PTTG1IP: variants seen among roughly 807,000 people sequenced by gnomAD.
PTTG1IP encodes the protein pituitary tumor-transforming gene 1 protein-interacting protein.
A neutral mutation model predicts 24.4 loss-of-function variants in PTTG1IP; 16 were observed. The observed-to-expected ratio is 0.66, with a 90% CI of 0.44 to 1.00. The LOEUF is 1.00. Ranked by LOEUF, PTTG1IP falls within the 50% of genes least tolerant of loss-of-function variation. PTTG1IP has a pLI of 0.00. For missense variants in PTTG1IP, 241 were observed against 245.8 expected (o/e 0.98, Z 0.13); for synonymous variants, 89 against 96.8 (o/e 0.92, Z 0.47).
intron 1 of PTTG1IP, among the ~76,000 whole-genome samples, chr21:44,872,594 G>C (rs2083596596): frequency 6.6e-6 from 1 of 152,228 alleles, no homozygotes; most frequent in African/African-American, 2.4e-5. Context: ...CTCCAGCTTA[G>C]AACCTGCTGG....
chr21:44,861,795 T>G (rs2083494361), intron 2 of PTTG1IP: 1 of 717,408 alleles, frequency 1.4e-6, no homozygotes, highest in South Asian at 1.5e-5. Flanking sequence ...CTTCACTGGC[T>G]GAAGTCTCCC....
rs1249743336 is a variant in PTTG1IP at position 44,851,073 on chromosome 21, G to A, written c.*508C>T. 5.7e-5 allele frequency: 19 copies of A among 334,886 alleles called. No homozygotes were observed. Among genetic ancestry groups the A allele is most frequent in the South Asian group, 2.6e-4 (4 of 15,578 alleles). The allele number at this position is 334,886 out of a possible 1,614,324, so 20.7% of individuals were successfully genotyped here. ...GAGCCCCGTGTCATCAGCAAAAGCC[G>A]TGTGAGTCAACAGGTGTGAAGACTC... On this transcript the variant is annotated 3_prime_UTR_variant, in exon 6 of 6. Transcript: ENST00000330938.
At chr21:44,868,731 T>C (rs544270711) in intron 1 of PTTG1IP, among the ~76,000 whole-genome samples, 8 of 152,174 alleles carry the variant, frequency 5.3e-5, no homozygotes, top group Non-Finnish European at 8.8e-5. Flanking sequence ...GAAGCCTCCA[T>C]TTTACAATCA....
At chr21:44,856,883 T>C (rs1048728744) in intron 3 of PTTG1IP, among the ~76,000 whole-genome samples, 3 of 152,128 alleles carry the variant, frequency 2.0e-5, no homozygotes, top group Non-Finnish European at 4.4e-5. Flanking sequence ...TCGAAAAGAA[T>C]GACCGTGGAG....
At chr21:44,853,911 T>G (rs1242176617) in intron 5 of PTTG1IP, among the ~76,000 whole-genome samples, 1 of 152,106 alleles carries the variant, frequency 6.6e-6, no homozygotes, top group East Asian at 1.9e-4. Flanking sequence ...AAGCCGACAC[T>G]TCGAGACCGG....
rs374480622 is a variant in PTTG1IP at position 44,856,224 on chromosome 21, G to A, written c.418C>T (p.Arg140Trp). The A allele has an allele frequency of 1.2e-5, 20 of 1,613,840 alleles. No homozygotes were observed. Among genetic ancestry groups the A allele is most frequent in the Admixed American group, 6.7e-5 (4 of 59,990 alleles). ...TCCTGCCGTATCCGCCTCTCCTCCCGCTCACGCATGGCCTTCTCCTCACTC... is the reference window on the plus strand; with the variant it reads ...TCCTGCCGTATCCGCCTCTCCTCCCACTCACGCATGGCCTTCTCCTCACTC... Reference protein sequence around the residue: ...DRSEEKAMREREERRIRQEER... With the variant: ...DRSEEKAMREWEERRIRQEER... The change falls in exon 4 of 6, where the codon CGG becomes TGG. Residue 140 changes from arginine (R) to tryptophan (W), a missense_variant. Transcript: ENST00000330938.
At chr21:44,858,009 T>C (rs1025817795) in intron 3 of PTTG1IP, among the ~76,000 whole-genome samples, 4 of 152,176 alleles carry the variant, frequency 2.6e-5, no homozygotes, top group African/African-American at 9.7e-5. Flanking sequence ...CTTTTCTGAT[T>C]AGCAGCTAAA....
At chr21:44,867,637 T>C (rs1010173544) in intron 1 of PTTG1IP, among the ~76,000 whole-genome samples, 1 of 152,226 alleles carries the variant, frequency 6.6e-6, no homozygotes, top group Non-Finnish European at 1.5e-5. Flanking sequence ...TGTCTGTGAC[T>C]GATGCTCACG....
At chr21:44,860,591 C>G (rs144522526) in intron 3 of PTTG1IP, among the ~76,000 whole-genome samples, 145 of 152,246 alleles carry the variant, frequency 9.5e-4, no homozygotes, top group African/African-American at 2.9e-3. Flanking sequence ...AAGTCAAACA[C>G]GTTGCCTTCA....
intron 1 of PTTG1IP, among the ~76,000 whole-genome samples, chr21:44,870,207 C>G (rs1004171865): frequency 1.2e-4 from 19 of 152,204 alleles, no homozygotes; most frequent in African/African-American, 4.6e-4. Flanking sequence ...GAAAAAAGGT[C>G]ATTCTATTCT....
At chr21:44,851,897 T>G (rs2083413964) in intron 5 of PTTG1IP, among the ~76,000 whole-genome samples, 2 of 152,192 alleles carry the variant, frequency 1.3e-5, no homozygotes, top group South Asian at 4.1e-4. Flanking sequence ...GAAAAGAAAT[T>G]TAAGGCAAGT....
rs781393671 is a variant in PTTG1IP at position 44,851,397 on chromosome 21, G to T, written c.*184C>A. On this transcript the variant is annotated 3_prime_UTR_variant, in exon 6 of 6. Coordinates refer to ENST00000330938, the MANE Select transcript of PTTG1IP (RefSeq NM_004339.4). ...AACAGAGATGAACAGGGAATAGAAGGTCACCAGTCTGCAAGACGAGAGGAC... is the reference window on the plus strand; with the variant it reads ...AACAGAGATGAACAGGGAATAGAAGTTCACCAGTCTGCAAGACGAGAGGAC... The T allele has an allele frequency of 1.3e-6, 2 of 1,554,524 alleles. No homozygotes were observed. The highest frequency in any genetic ancestry group is 1.9e-5 in the Admixed American group (1 of 52,728).
chr21:44,852,809 C>T (rs940593981), intron 5 of PTTG1IP, among the ~76,000 whole-genome samples: 16 of 152,264 alleles, frequency 1.1e-4, no homozygotes, highest in African/African-American at 2.9e-4. Flanking sequence ...TTTTTGCGTG[C>T]GTGCTGGTAT....
At chr21:44,859,453 T>A (rs924191008) in intron 3 of PTTG1IP, among the ~76,000 whole-genome samples, 7 of 151,892 alleles carry the variant, frequency 4.6e-5, no homozygotes, top group African/African-American at 1.7e-4. Context: ...GTGTGCATTA[T>A]GTAGGCTATA....
chr21:44,856,164 C>G lies in PTTG1IP; in HGVS notation c.449+29G>C, dbSNP rs200033203. 3.1e-6 allele frequency: 5 copies of G among 1,613,968 alleles called. No individual in the cohort carries two copies. In the African/African-American group the frequency reaches 6.7e-5, roughly 22 times the overall value. ...CAGATCTGAATCCCCTCGAAGTAAC[C>G]TTCCCAGCGGGCATCACCACCACCT... On this transcript the variant is annotated intron_variant, in intron 4 of 5. Coordinates refer to ENST00000330938, the MANE Select transcript of PTTG1IP (RefSeq NM_004339.4).
At chr21:44,861,430 G>A (rs1444881060) in intron 2 of PTTG1IP, among the ~76,000 whole-genome samples, 159 bp from the exon 3 acceptor site, 3 of 152,092 alleles carry the variant, frequency 2.0e-5, no homozygotes, top group Admixed American at 6.6e-5. Context: ...CACCCTCAGC[G>A]CCCTTCGGTC....
rs1569325944 is a variant in PTTG1IP, at chr21:44,865,389, A to G, written c.168+6T>C. 1.2e-6 allele frequency: 2 copies of G among 1,614,038 alleles called. No individual in the cohort carries two copies. The highest frequency in any genetic ancestry group is 1.7e-6 in the Non-Finnish European group (2 of 1,179,886). On this transcript the variant is annotated splice_donor_region_variant and intron_variant, in intron 2 of 5. Transcript: ENST00000330938. ...CACTCTGGTCTCTAGTCCACGTGCTACTTACGGAGACGTTCTTCAGGCACT... is the reference window on the plus strand; with the variant it reads ...CACTCTGGTCTCTAGTCCACGTGCTGCTTACGGAGACGTTCTTCAGGCACT...
chr21:44,866,542 C>T (rs2083541445), intron 1 of PTTG1IP, among the ~76,000 whole-genome samples: 1 of 127,188 alleles, frequency 7.9e-6, no homozygotes, highest in Non-Finnish European at 1.6e-5. Flanking sequence ...ACTGCCTACT[C>T]CCCCAATCCC....
chr21:44,862,049 G>A (rs115746123), intron 2 of PTTG1IP: 1 of 576,786 alleles, frequency 1.7e-6, no homozygotes, highest in Non-Finnish European at 3.1e-6. Context: ...GTGTGAGGCC[G>A]CAGTGGTGTG....
Sources: allele counts gnomAD v4.1 joint callset (sites outside exome capture counted in the v4.1 genomes callset), GRCh38; gene constraint gnomAD v4.1.1; transcripts MANE v1.5; gene names NCBI Gene and HGNC (gene_info 2026-07-23, HGNC 2026-07-21).